AKAP19: variants seen among roughly 807,000 people sequenced by gnomAD.
The protein encoded by AKAP19 is A-kinase anchoring protein 19.
At chr2:190,173,001 G>A in the AKAP19 span, among the ~76,000 whole-genome samples, 1 of 152,012 alleles carries the variant, frequency 6.6e-6, no homozygotes, top group Non-Finnish European at 1.5e-5. Context: ...TGCAATCTCA[G>A]CTACTCCAGA....
At chr2:190,096,488 T>C in the AKAP19 span, among the ~76,000 whole-genome samples, 1 of 152,174 alleles carries the variant, frequency 6.6e-6, no homozygotes, top group Admixed American at 6.5e-5. Context: ...CTTTAGCAGG[T>C]ATGAAGCCTA....
the AKAP19 span, among the ~76,000 whole-genome samples, chr2:190,193,218 ATC>A: frequency 6.6e-6 from 1 of 151,526 alleles, no homozygotes; most frequent in African/African-American, 2.4e-5. Flanking sequence ...TGAGGTGATC[ATC>A]TGATTTTTTT....
chr2:190,125,012 C>A, the AKAP19 span, among the ~76,000 whole-genome samples: 1 of 152,130 alleles, frequency 6.6e-6, no homozygotes, highest in Non-Finnish European at 1.5e-5. Flanking sequence ...TTTTGAGGGG[C>A]AGTAACACAC....
chr2:190,122,720 T>A, the AKAP19 span, among the ~76,000 whole-genome samples: 3 of 152,184 alleles, frequency 2.0e-5, no homozygotes, highest in African/African-American at 7.2e-5. Context: ...TTATTACAGT[T>A]TCACATTGCA....
At chr2:190,090,481 T>C in the AKAP19 span, among the ~76,000 whole-genome samples, 1 of 152,234 alleles carries the variant, frequency 6.6e-6, no homozygotes, top group Non-Finnish European at 1.5e-5. Flanking sequence ...GTGAGATAGC[T>C]TCAAAGCAGA....
At chr2:190,054,781 C>T in the AKAP19 span, among the ~76,000 whole-genome samples, 2 of 152,132 alleles carry the variant, frequency 1.3e-5, no homozygotes, top group Admixed American at 1.3e-4. Flanking sequence ...CAATGAGATA[C>T]CATCTCACAC....
the AKAP19 span, among the ~76,000 whole-genome samples, chr2:190,050,352 G>C: frequency 0.018 from 2,740 of 152,236 alleles, 88 homozygotes; most frequent in African/African-American, 0.063. Context: ...TAATAAGTTA[G>C]ATTGCCCTTC....
chr2:190,053,707 G>A, the AKAP19 span, among the ~76,000 whole-genome samples: 1 of 151,894 alleles, frequency 6.6e-6, no homozygotes, highest in Admixed American at 6.6e-5. Context: ...GTACTCGTAT[G>A]TTTTATTTTT....
chr2:190,139,558 G>T, the AKAP19 span, among the ~76,000 whole-genome samples: 1 of 152,132 alleles, frequency 6.6e-6, no homozygotes, highest in Non-Finnish European at 1.5e-5. Context: ...TGGCAGAAGG[G>T]GAAGCAAACA....
the AKAP19 span, among the ~76,000 whole-genome samples, chr2:190,145,751 C>T: frequency 6.6e-6 from 1 of 151,818 alleles, no homozygotes; most frequent in Non-Finnish European, 1.5e-5. Flanking sequence ...CCTAATAATA[C>T]ATTTCTCAGA....
the AKAP19 span, among the ~76,000 whole-genome samples, chr2:189,901,854 T>C: frequency 2.0e-5 from 3 of 152,198 alleles, no homozygotes; most frequent in African/African-American, 7.2e-5. Context: ...ACTAAGTTAC[T>C]GTATGTTTGC....
the AKAP19 span, among the ~76,000 whole-genome samples, chr2:190,030,547 A>G: frequency 6.6e-6 from 1 of 152,316 alleles, no homozygotes; most frequent in African/African-American, 2.4e-5. Context: ...GAAGTAGGTG[A>G]TAGGTAGCAA....
the AKAP19 span, among the ~76,000 whole-genome samples, chr2:190,165,910 A>T: frequency 6.6e-6 from 1 of 152,224 alleles, no homozygotes; most frequent in African/African-American, 2.4e-5. Flanking sequence ...GAATTGAAGG[A>T]ATGGAATAAT....
At chr2:190,060,737 A>T in the AKAP19 span, among the ~76,000 whole-genome samples, 1 of 151,978 alleles carries the variant, frequency 6.6e-6, no homozygotes, top group Non-Finnish European at 1.5e-5. Context: ...AAATTTTAAA[A>T]TGATGATGAT....
the AKAP19 span, among the ~76,000 whole-genome samples, chr2:190,165,240 T>C: frequency 3.3e-5 from 5 of 151,998 alleles, no homozygotes; most frequent in Non-Finnish European, 7.4e-5. Context: ...AGTTCGAGAC[T>C]AGCCTGGAAA....
At chr2:190,038,901 T>TTTCTTCTTC in the AKAP19 span, among the ~76,000 whole-genome samples, 312 of 45,988 alleles carry the variant, frequency 6.8e-3, 8 homozygotes, top group South Asian at 0.01. Flanking sequence ...TCTTTCTTTC[T>TTTCTTCTTC]TTCTTCTTCT....
chr2:190,115,296 TATATA>T, the AKAP19 span, among the ~76,000 whole-genome samples: 4 of 9,150 alleles, frequency 4.4e-4, no homozygotes, highest in East Asian at 2.7e-3. Context: ...TATATATATA[TATATA>T]TTTTTTTTTT....
At chr2:190,012,118 T>A in the AKAP19 span, among the ~76,000 whole-genome samples, 1 of 152,156 alleles carries the variant, frequency 6.6e-6, no homozygotes. Flanking sequence ...CATCAAAGTT[T>A]CATAGTTTTC....
At chr2:189,882,547 T>C in the AKAP19 span, among the ~76,000 whole-genome samples, 1 of 152,182 alleles carries the variant, frequency 6.6e-6, no homozygotes, top group Non-Finnish European at 1.5e-5. Context: ...TTGCATTCTT[T>C]TGATTCCTTG....
Sources: gnomAD v4.1 joint callset for allele counts (sites outside exome capture counted in the v4.1 genomes callset) on GRCh38, gnomAD v4.1.1 for gene constraint, MANE v1.5 for transcripts, NCBI Gene and HGNC (gene_info 2026-07-23, HGNC 2026-07-21) for gene names.